MALRD1: variants seen among roughly 807,000 people sequenced by gnomAD.
MALRD1 encodes MAM and LDL-receptor class A domain-containing protein 1.
MALRD1 carries 247 observed loss-of-function variants against 242.1 expected under a neutral mutation model. That is an observed-to-expected ratio of 1.02 (90% confidence interval 0.92 to 1.13). The LOEUF (loss-of-function observed/expected upper bound fraction) is 1.13. Ranked by LOEUF, MALRD1 falls within the 50% of genes most tolerant of loss-of-function variation. MALRD1 has a pLI of 0.00. For missense variants in MALRD1, 2,989 were observed against 2,533.1 expected (o/e 1.18, Z -3.86); for synonymous variants, 995 against 866.6 (o/e 1.15, Z -2.60).
intron 32 of MALRD1, among the ~76,000 whole-genome samples, chr10:19,538,787 T>A (rs752959292): frequency 9.2e-5 from 14 of 151,580 alleles, no homozygotes; most frequent in Non-Finnish European, 1.9e-4. Flanking sequence ...TTCTAATTGC[T>A]CATGAAAAAA....
intron 18 of MALRD1, 97 bp downstream of exon 18, chr10:19,209,777 A>G (rs750131548): frequency 3.2e-6 from 4 of 1,259,276 alleles, no homozygotes; most frequent in Non-Finnish European, 4.3e-6. Flanking sequence ...AGCAAGTGGA[A>G]TTTGATCAAA....
intron 18 of MALRD1, among the ~76,000 whole-genome samples, chr10:19,251,490 C>T (rs1839290369): frequency 6.6e-6 from 1 of 151,960 alleles, no homozygotes. Flanking sequence ...CCTGCCTCCT[C>T]ATATTGCCCT....
At chr10:19,402,684 A>G (rs539304113) in intron 28 of MALRD1, among the ~76,000 whole-genome samples, 34 of 152,310 alleles carry the variant, frequency 2.2e-4, no homozygotes, top group Non-Finnish European at 3.1e-4. Context: ...AATCTTTCTT[A>G]ATAAGCCAGG....
chr10:19,076,117 C>T (rs2884422), intron 2 of MALRD1, among the ~76,000 whole-genome samples: 80,965 of 151,578 alleles, frequency 0.53, 21,744 homozygotes, highest in Middle Eastern at 0.6. Context: ...ATGTGTTTAA[C>T]TTTTTTATTC....
At chr10:19,325,971 T>C (rs1421577185) in intron 22 of MALRD1, among the ~76,000 whole-genome samples, 2 of 152,154 alleles carry the variant, frequency 1.3e-5, no homozygotes, top group Admixed American at 6.6e-5. Flanking sequence ...TTATTCATTT[T>C]TCTAAAGAAA....
intron 36 of MALRD1, chr10:19,633,681 T>C (rs917279311): frequency 6.6e-6 from 1 of 151,954 alleles, no homozygotes. Flanking sequence ...ATTTTTTTTT[T>C]AAGCCTACAG....
chr10:19,350,584 G>A (rs71497274), intron 25 of MALRD1, among the ~76,000 whole-genome samples: 1 of 152,034 alleles, frequency 6.6e-6, no homozygotes, highest in African/African-American at 2.4e-5. Flanking sequence ...CCAATGCTTA[G>A]AAGATTTTTA....
chr10:19,551,927 C>T (rs953543498), intron 32 of MALRD1, among the ~76,000 whole-genome samples: 8 of 152,074 alleles, frequency 5.3e-5, no homozygotes, highest in Non-Finnish European at 1.0e-4. Flanking sequence ...ACCTTGCATC[C>T]TAGGGATGAA....
chr10:19,340,685 A>G (rs1289361375), intron 24 of MALRD1, among the ~76,000 whole-genome samples: 3 of 152,160 alleles, frequency 2.0e-5, no homozygotes, highest in Non-Finnish European at 4.4e-5. Flanking sequence ...TCTTATACTC[A>G]ATCACTTAAT....
At chr10:19,276,697 C>T (rs778841322) in intron 19 of MALRD1, among the ~76,000 whole-genome samples, 1 of 151,884 alleles carries the variant, frequency 6.6e-6, no homozygotes, top group Non-Finnish European at 1.5e-5. Flanking sequence ...AACGTTGGAT[C>T]CGTCAGATTT....
intron 18 of MALRD1, among the ~76,000 whole-genome samples, chr10:19,250,585 G>C (rs1839253988): frequency 6.6e-6 from 1 of 151,870 alleles, no homozygotes; most frequent in Admixed American, 6.6e-5. Context: ...TTATATATCA[G>C]AGGCAAAAAC....
rs1564462050 is a variant in MALRD1 at position 19,200,661 on chromosome 10, T to TTTTTTTTGTTTTTG, written c.1952-3060_1952-3059insGTTTTTGTTTTTTT. On this transcript the variant is annotated intron_variant, in intron 14 of 39. Transcript: ENST00000454679. ...CTGCTTGAGGTTTTTTTTTTTTTTT[T>TTTTTTTTGTTTTTG]TTTTTTTTTTGGCTTCTACATAAAT... 1.4e-3 allele frequency among the ~76,000 whole-genome samples: 206 copies of TTTTTTTTGTTTTTG among 147,024 alleles called. 2 individuals are homozygous for TTTTTTTTGTTTTTG. Among genetic ancestry groups the TTTTTTTTGTTTTTG allele is most frequent in the African/African-American group, 4.9e-3 (193 of 39,500 alleles).
At chr10:19,666,088 CA>C (rs1487083249) in intron 36 of MALRD1, among the ~76,000 whole-genome samples, 1 of 152,104 alleles carries the variant, frequency 6.6e-6, no homozygotes, top group Non-Finnish European at 1.5e-5. Flanking sequence ...CTTTCAAAGC[CA>C]CAAGCTTCTT....
intron 29 of MALRD1, among the ~76,000 whole-genome samples, chr10:19,462,278 C>T (rs1396448293): frequency 1.3e-5 from 2 of 152,224 alleles, no homozygotes; most frequent in African/African-American, 4.8e-5. Flanking sequence ...CTCAGAGCCA[C>T]TATCTACCTG....
At chr10:19,516,005 C>T (rs1053055098) in intron 31 of MALRD1, among the ~76,000 whole-genome samples, 4 of 152,148 alleles carry the variant, frequency 2.6e-5, no homozygotes, top group South Asian at 2.1e-4. Context: ...GAAGATGAGA[C>T]GTTAAACAAC....
chr10:19,621,409 T>C (rs1333880853), intron 36 of MALRD1, among the ~76,000 whole-genome samples: 1 of 147,110 alleles, frequency 6.8e-6, no homozygotes, highest in Non-Finnish European at 1.5e-5. Context: ...ATTGGCTGGA[T>C]TAACTGAATT....
chr10:19,504,836 C>A (rs1838134158), intron 31 of MALRD1, among the ~76,000 whole-genome samples: 1 of 150,810 alleles, frequency 6.6e-6, no homozygotes, highest in South Asian at 2.1e-4. Context: ...GCGCCCGCCA[C>A]CGCGCCCGGC....
chr10:19,179,242 T>C (rs1273781556), intron 14 of MALRD1, among the ~76,000 whole-genome samples: 3 of 152,206 alleles, frequency 2.0e-5, no homozygotes, highest in African/African-American at 7.2e-5. Context: ...GGAAAATTAC[T>C]AATCAACAGG....
chr10:19,204,677 A>G (rs1813985639), intron 16 of MALRD1, among the ~76,000 whole-genome samples: 1 of 152,168 alleles, frequency 6.6e-6, no homozygotes, highest in Admixed American at 6.5e-5. Context: ...CTTGTTATGT[A>G]CTGAGCTCCT....
Sources: gnomAD v4.1 joint callset for allele counts (sites outside exome capture counted in the v4.1 genomes callset) on GRCh38, gnomAD v4.1.1 for gene constraint, MANE v1.5 for transcripts, NCBI Gene and HGNC (gene_info 2026-07-23, HGNC 2026-07-21) for gene names.